Variants in PRKG1 observed in about 807,000 individuals in gnomAD.
PRKG1 encodes the protein protein kinase cGMP-dependent 1.
Under a neutral mutation model 88.1 loss-of-function variants are expected in PRKG1, and 35 were observed. The observed-to-expected ratio is 0.40, with a 90% CI of 0.30 to 0.53. The LOEUF (loss-of-function observed/expected upper bound fraction) is 0.53. Among genes scored for constraint, PRKG1 ranks in the 20% least tolerant of loss-of-function variants. The pLI, the probability that PRKG1 is intolerant of heterozygous loss-of-function variation, is 0.59. For synonymous variants in PRKG1, 303 were observed against 292.5 expected, an observed-to-expected ratio of 1.04 and a Z score of -0.37; for missense variants, 540 against 839.8, an observed-to-expected ratio of 0.64 and a Z score of 4.41.
intron 3 of PRKG1, among the ~76,000 whole-genome samples, chr10:51,702,821 C>G (rs577149407): frequency 6.6e-6 from 1 of 152,006 alleles, no homozygotes; most frequent in South Asian, 2.1e-4. Context: ...CTTAGCCTCC[C>G]GAGTAAAGAC....
At chr10:51,450,127 T>C (rs1352648845) in intron 2 of PRKG1, among the ~76,000 whole-genome samples, 1 of 152,008 alleles carries the variant, frequency 6.6e-6, no homozygotes, top group Non-Finnish European at 1.5e-5. Context: ...AATTTATTGC[T>C]GCTCAAGACT....
chr10:51,250,799 A>G (rs1839407423), intron 2 of PRKG1, among the ~76,000 whole-genome samples: 1 of 151,762 alleles, frequency 6.6e-6, no homozygotes, highest in Non-Finnish European at 1.5e-5. Context: ...TGATAGTTGT[A>G]AAAGGAGGAG....
rs545372740 is a variant in PRKG1 at position 51,323,285 on chromosome 10, G to A, written c.479-144438G>A. ...ATAATTACCTTTTTATCTCTTCATC[G>A]TGGAAAAATTAGCCTAGATTACAAA... On this transcript the variant is annotated intron_variant, in intron 2 of 17. Coordinates refer to ENST00000373980, the MANE Select transcript of PRKG1 (RefSeq NM_006258.4). Among the ~76,000 whole-genome samples, 384 of 152,148 alleles carry A rather than the reference G, an allele frequency of 2.5e-3. 3 individuals are homozygous for A. Among genetic ancestry groups the A allele is most frequent in the Non-Finnish European group, 4.2e-3 (286 of 67,994 alleles).
chr10:51,424,711 A>G (rs2132713487), intron 2 of PRKG1, among the ~76,000 whole-genome samples: 1 of 152,244 alleles, frequency 6.6e-6, no homozygotes, highest in Non-Finnish European at 1.5e-5. Flanking sequence ...CTCTAAATTG[A>G]TCTATCTTAG....
chr10:51,094,008 C>T (rs1844463379), intron 1 of PRKG1, among the ~76,000 whole-genome samples: 2 of 151,558 alleles, frequency 1.3e-5, no homozygotes, highest in East Asian at 1.9e-4. Flanking sequence ...TTTGTTGATC[C>T]AGGCCCCAGG....
chr10:51,530,785 C>T (rs1050556640), intron 3 of PRKG1, among the ~76,000 whole-genome samples: 21 of 152,152 alleles, frequency 1.4e-4, no homozygotes, highest in Admixed American at 1.4e-3. Context: ...TCCACCCACC[C>T]CAAGAAATTT....
chr10:52,222,948 CT>C (rs1320497417), intron 9 of PRKG1, among the ~76,000 whole-genome samples: 1 of 152,146 alleles, frequency 6.6e-6, no homozygotes, highest in African/African-American at 2.4e-5. Flanking sequence ...GAACATTTGA[CT>C]TTTACTGATA....
intron 3 of PRKG1, among the ~76,000 whole-genome samples, chr10:51,618,374 A>G (rs910431364): frequency 6.6e-6 from 1 of 152,208 alleles, no homozygotes; most frequent in African/African-American, 2.4e-5. Context: ...GTAATAGCTT[A>G]AAGAAAGAAA....
At chr10:52,215,985 A>G (rs186787799) in intron 9 of PRKG1, among the ~76,000 whole-genome samples, 1 of 152,258 alleles carries the variant, frequency 6.6e-6, no homozygotes, top group Non-Finnish European at 1.5e-5. Context: ...AGAATTGTTC[A>G]AGAAACATAA....
At chr10:51,611,882 A>C (rs1448553507) in intron 3 of PRKG1, among the ~76,000 whole-genome samples, 1 of 152,128 alleles carries the variant, frequency 6.6e-6, no homozygotes, top group Non-Finnish European at 1.5e-5. Context: ...AGCACCATTT[A>C]TTAAAAAGGG....
At position 52,171,790 on chromosome 10, in the gene PRKG1, T is replaced by A. The variant is rs1279600540; in HGVS notation, c.1076+9827T>A. On this transcript the variant is annotated intron_variant, in intron 9 of 17. Coordinates refer to ENST00000373980, the MANE Select transcript of PRKG1 (RefSeq NM_006258.4). ...AAGTATTTTTCTTTTATCAAAATTT[T>A]TTTTTTTTTTTTTTTTTTTTTTTGA... is the stretch of plus-strand genomic sequence containing the variant. Among the ~76,000 whole-genome samples the A allele has an allele frequency of 1.1e-4, 4 of 35,360 alleles. 1 individual carries two copies. Among genetic ancestry groups the A allele is most frequent in the Admixed American group, 4.5e-4 (1 of 2,238 alleles). The allele number at this position is 35,360 out of a possible 152,430, so 23.2% of individuals were successfully genotyped here.
chr10:51,484,526 C>T (rs368968231), intron 3 of PRKG1, among the ~76,000 whole-genome samples: 41 of 152,146 alleles, frequency 2.7e-4, no homozygotes, highest in African/African-American at 9.7e-4. Flanking sequence ...ATCCACTTGC[C>T]TCGGCCTCCC....
intron 3 of PRKG1, among the ~76,000 whole-genome samples, chr10:51,721,309 G>A (rs1414636826): frequency 6.6e-6 from 1 of 151,896 alleles, no homozygotes; most frequent in Non-Finnish European, 1.5e-5. Context: ...GCTGTTAGTT[G>A]GTGCTGGCTT....
rs1841058590 is a variant in PRKG1 at position 51,868,013 on chromosome 10, G to C, written c.699-39494G>C. 2.0e-5 allele frequency among the ~76,000 whole-genome samples: 3 copies of C among 152,116 alleles called. No homozygotes were observed. The South Asian group carries it at 6.2e-4, about 32-fold the overall frequency. ...GTCTGTCATCACTTACGCATGGCCT[G>C]TATATACCAGTGACTAGTAAATGAC... On this transcript the variant is annotated intron_variant, in intron 4 of 17. Transcript: ENST00000373980.
rs550636807 is a variant in PRKG1 at position 51,815,599 on chromosome 10, T to TGTGTACATTGG, written c.698+10909_698+10910insGTGTACATTGG. On this transcript the variant is annotated intron_variant, in intron 4 of 17. Coordinates refer to ENST00000373980, the MANE Select transcript of PRKG1 (RefSeq NM_006258.4). Reference sequence around the variant, plus strand: ...CGTCTTAGTGTGTACATTTCATCTGTCCTGAGAAGAGGCCAATACATCAGT... The same window carrying TGTGTACATTGG: ...CGTCTTAGTGTGTACATTTCATCTGTGTGTACATTGGCCTGAGAAGAGGCCAATACATCAGT... Among the ~76,000 whole-genome samples, 335 of 152,288 alleles carry TGTGTACATTGG rather than the reference T, an allele frequency of 2.2e-3. 2 individuals carry two copies. The highest frequency in any genetic ancestry group is 7.8e-3 in the African/African-American group (325 of 41,552).
intron 9 of PRKG1, among the ~76,000 whole-genome samples, chr10:52,213,329 A>G (rs1196466948): frequency 6.6e-6 from 1 of 152,176 alleles, no homozygotes; most frequent in Non-Finnish European, 1.5e-5. Flanking sequence ...TGTTTGGTAA[A>G]AAATTTGTTA....
At chr10:51,867,308 T>C (rs1841041191) in intron 4 of PRKG1, among the ~76,000 whole-genome samples, 1 of 152,124 alleles carries the variant, frequency 6.6e-6, no homozygotes, top group Non-Finnish European at 1.5e-5. Context: ...TGCTAAATAA[T>C]TGGGTTTTAT....
chr10:51,932,845 G>A (rs1842723117), intron 5 of PRKG1, among the ~76,000 whole-genome samples: 1 of 151,956 alleles, frequency 6.6e-6, no homozygotes, highest in African/African-American at 2.4e-5. Context: ...TACTTCCTTT[G>A]TACTTGGAAA....
At chr10:51,597,435 A>G (rs924232287) in intron 3 of PRKG1, among the ~76,000 whole-genome samples, 4 of 152,186 alleles carry the variant, frequency 2.6e-5, no homozygotes, top group African/African-American at 9.7e-5. Context: ...TGAGAATGGT[A>G]TTTGCAATGT....
Sources: gnomAD v4.1 joint callset for allele counts (sites outside exome capture counted in the v4.1 genomes callset) on GRCh38, gnomAD v4.1.1 for gene constraint, MANE v1.5 for transcripts, NCBI Gene and HGNC (gene_info 2026-07-23, HGNC 2026-07-21) for gene names.